Variants in NUMB observed in about 807,000 individuals in gnomAD.
NUMB encodes the protein protein numb homolog.
In NUMB, 29 loss-of-function variants were observed where a neutral mutation model predicts 59.7. That is an observed-to-expected ratio of 0.49 (90% CI 0.36 to 0.66). The LOEUF (loss-of-function observed/expected upper bound fraction) is 0.66, where lower values mean the gene tolerates loss of function less well. NUMB is among the 30% of genes least tolerant of loss of function. The pLI is 0.00. For synonymous variants in NUMB, 288 were observed against 288.2 expected, an observed-to-expected ratio of 1.00 and a Z score of 0.01; for missense variants, 723 against 822.0, an observed-to-expected ratio of 0.88 and a Z score of 1.47.
At chr14:73,313,028 C>T (rs1178683440) in intron 6 of NUMB, among the ~76,000 whole-genome samples, 1 of 150,248 alleles carries the variant, frequency 6.7e-6, no homozygotes, top group Non-Finnish European at 1.5e-5. Context: ...GCTCTATAGT[C>T]CAGGCTGGAG....
At chr14:73,437,941 A>G (rs1898126532) in intron 1 of NUMB, among the ~76,000 whole-genome samples, 2 of 152,360 alleles carry the variant, frequency 1.3e-5, no homozygotes, top group South Asian at 4.1e-4. Context: ...TCATATTTTA[A>G]ATGTCCCACT....
At chr14:73,381,487 A>G (rs1895240610) in intron 2 of NUMB, among the ~76,000 whole-genome samples, 1 of 152,216 alleles carries the variant, frequency 6.6e-6, no homozygotes, top group African/African-American at 2.4e-5. Flanking sequence ...AAGGTCTCTA[A>G]GCCATACATA....
chr14:73,276,446 G>C lies in NUMB; in HGVS notation c.*132C>G. The C allele has an allele frequency of 1.5e-6, 1 of 687,550 alleles. No homozygotes were observed. Among genetic ancestry groups the C allele is most frequent in the Non-Finnish European group, 2.4e-6 (1 of 412,546 alleles). 42.6% of individuals were successfully genotyped at this position (687,550 alleles called of 1,614,324 possible). A position where few individuals can be genotyped will look rare whatever the true frequency, so the allele number is the denominator to read the frequency against. ...TCACCCCTCACAGTACTCTGGGCCTGGACTTGTTCCTTGGGACCTTTGGGA... is the reference window on the plus strand; with the variant it reads ...TCACCCCTCACAGTACTCTGGGCCTCGACTTGTTCCTTGGGACCTTTGGGA... On this transcript the variant is annotated 3_prime_UTR_variant, in exon 13 of 13. Coordinates refer to ENST00000555238, the MANE Select transcript of NUMB (RefSeq NM_001005743.2).
At chr14:73,423,811 A>C (rs540830943) in intron 1 of NUMB, among the ~76,000 whole-genome samples, 12 of 151,984 alleles carry the variant, frequency 7.9e-5, no homozygotes, top group African/African-American at 2.7e-4. Flanking sequence ...TTCTGTCTCA[A>C]AAAAATTAGC....
chr14:73,275,263 T>A lies in NUMB; in HGVS notation c.*1315A>T, dbSNP rs757277700. 2.0e-5 allele frequency: 3 copies of A among 152,604 alleles called. No homozygotes were observed. Among genetic ancestry groups the A allele is most frequent in the Admixed American group, 6.5e-5 (1 of 15,280 alleles). The allele number at this position is 152,604 out of a possible 1,614,324, so 9.5% of individuals were successfully genotyped here. ...TGTTAAAGCAGATTATAAATTTTCA[T>A]CAGTACAAATATATATAACTTACAT... On this transcript the variant is annotated 3_prime_UTR_variant, in exon 13 of 13. Transcript: ENST00000555238.
At chr14:73,357,592 G>A (rs1158553772) in intron 3 of NUMB, among the ~76,000 whole-genome samples, 7 of 151,168 alleles carry the variant, frequency 4.6e-5, no homozygotes, top group East Asian at 2.0e-4. Flanking sequence ...GTAAAACCCC[G>A]TCTCTACAAA....
chr14:73,451,312 C>T (rs919670649), intron 1 of NUMB, among the ~76,000 whole-genome samples: 1 of 151,872 alleles, frequency 6.6e-6, no homozygotes, highest in Non-Finnish European at 1.5e-5. Context: ...TGGCGTGTGC[C>T]TGTAGTCCCA....
At chr14:73,378,751 C>T (rs8013418) in intron 2 of NUMB, among the ~76,000 whole-genome samples, 7,846 of 152,168 alleles carry the variant, frequency 0.052, 656 homozygotes, top group African/African-American at 0.18. Context: ...GGTAAGGGGT[C>T]TGGGAAAGAT....
chr14:73,310,053 A>G (rs1890689973), intron 6 of NUMB, among the ~76,000 whole-genome samples: 1 of 152,212 alleles, frequency 6.6e-6, no homozygotes, highest in Non-Finnish European at 1.5e-5. Flanking sequence ...GTTAGAACAG[A>G]TATTATAATA....
chr14:73,389,272 C>CAAAAAAAAAAAAAAAA (rs869074049), intron 2 of NUMB, among the ~76,000 whole-genome samples: 15 of 66,460 alleles, frequency 2.3e-4, no homozygotes, highest in African/African-American at 7.6e-4. Context: ...CTCCATCTCT[C>CAAAAAAAAAAAAAAAA]AAAAAAAAAA....
At chr14:73,297,450 A>T in intron 6 of NUMB, 165 bp from the exon 7 acceptor site, 1 of 507,358 alleles carries the variant, frequency 2.0e-6, no homozygotes, top group Non-Finnish European at 3.5e-6. Flanking sequence ...ACCAAACTGC[A>T]GAAACATTCA....
intron 1 of NUMB, among the ~76,000 whole-genome samples, chr14:73,422,925 A>AG (rs58438461): frequency 6.6e-6 from 1 of 151,304 alleles, no homozygotes; most frequent in Non-Finnish European, 1.5e-5. Flanking sequence ...AAAAAAAAAA[A>AG]CTGTTATATT....
intron 1 of NUMB, among the ~76,000 whole-genome samples, chr14:73,446,757 TAA>T (rs994318853): frequency 6.9e-6 from 1 of 145,608 alleles, no homozygotes; most frequent in Non-Finnish European, 1.5e-5. Context: ...CCTCATATCT[TAA>T]AAAAAAAAAA....
chr14:73,443,687 G>A (rs1278825738), intron 1 of NUMB, among the ~76,000 whole-genome samples: 1 of 151,674 alleles, frequency 6.6e-6, no homozygotes, highest in Non-Finnish European at 1.5e-5. Context: ...GTCTTGCTCT[G>A]TCTCCCAGGC....
At chr14:73,420,458 T>A (rs1234431811) in intron 1 of NUMB, among the ~76,000 whole-genome samples, 1 of 152,136 alleles carries the variant, frequency 6.6e-6, no homozygotes, top group Non-Finnish European at 1.5e-5. Flanking sequence ...TTTTTTCAAC[T>A]GTCTGTGTGT....
rs1234765498 is a variant in NUMB at position 73,387,758 on chromosome 14, AAC to A, written c.-100-20779_-100-20778del. On this transcript the variant is annotated intron_variant, in intron 2 of 12. Coordinates refer to ENST00000555238, the MANE Select transcript of NUMB (RefSeq NM_001005743.2). ...AAAAAAAAAAAAACAAAAACAAACA[AAC>A]AAAAAAAAAACCAAAAAGGCCACTA... Among the ~76,000 whole-genome samples the A allele has an allele frequency of 1.8e-4, 25 of 137,634 alleles. 1 individual carries two copies. Among genetic ancestry groups the A allele is most frequent in the African/African-American group, 8.9e-4 (25 of 28,188 alleles). The allele number at this position is 137,634 out of a possible 152,430, so 90.3% of individuals were successfully genotyped here.
At chr14:73,446,640 G>C (rs907769612) in intron 1 of NUMB, among the ~76,000 whole-genome samples, 2 of 151,154 alleles carry the variant, frequency 1.3e-5, no homozygotes, top group Non-Finnish European at 2.9e-5. Context: ...ATGACAAAAT[G>C]CCAAACTGTA....
chr14:73,406,098 T>TG (rs113052296), intron 2 of NUMB, among the ~76,000 whole-genome samples: 35,910 of 151,318 alleles, frequency 0.24, 5,196 homozygotes, highest in East Asian at 0.68. Flanking sequence ...TTTTGTTTTT[T>TG]TTTTTTTTTA....
At chr14:73,316,326 T>G in intron 6 of NUMB, 64 bp downstream of exon 6, 1 of 1,384,998 alleles carries the variant, frequency 7.2e-7, no homozygotes, top group Non-Finnish European at 1.0e-6. Flanking sequence ...TTAAAAAATA[T>G]GTCAGTGCTA....
Sources: gnomAD v4.1 joint callset for allele counts (sites outside exome capture counted in the v4.1 genomes callset) on GRCh38, gnomAD v4.1.1 for gene constraint, MANE v1.5 for transcripts, NCBI Gene and HGNC (gene_info 2026-07-23, HGNC 2026-07-21) for gene names.